Variants in PTPRA observed in about 807,000 individuals in gnomAD.
The protein encoded by PTPRA is receptor-type tyrosine-protein phosphatase alpha.
A neutral mutation model predicts 104.8 loss-of-function variants in PTPRA; 25 were observed. The ratio of observed to expected loss-of-function variants is 0.24; its 90% confidence interval spans 0.17 to 0.33. The LOEUF (loss-of-function observed/expected upper bound fraction) is 0.33, where lower values mean the gene tolerates loss of function less well. PTPRA is among the 10% of genes least tolerant of loss of function. The pLI is 1.00. For synonymous variants in PTPRA, 323 were observed against 368.9 expected (o/e 0.88, Z 1.43); for missense variants, 765 against 1,015.3 (o/e 0.75, Z 3.35).
At chr20:2,918,272 C>T (rs980307195) in intron 1 of PTPRA, among the ~76,000 whole-genome samples, 2 of 152,008 alleles carry the variant, frequency 1.3e-5, no homozygotes, top group African/African-American at 4.8e-5. Context: ...GCCTTAGCCT[C>T]TGGAGTAGCT....
chr20:2,936,549 C>A (rs758876379), intron 2 of PTPRA, among the ~76,000 whole-genome samples: 2 of 152,042 alleles, frequency 1.3e-5, no homozygotes, highest in Non-Finnish European at 2.9e-5. Flanking sequence ...GCAGCCTCAA[C>A]CTCCTAGGCT....
intron 1 of PTPRA, among the ~76,000 whole-genome samples, chr20:2,881,164 GGGCGTGGT>G (rs141630168): frequency 0.019 from 2,868 of 151,832 alleles, 96 homozygotes; most frequent in African/African-American, 0.064. Context: ...AGAATTCGCC[GGGCGTGGT>G]GGCGTGTGCC....
chr20:3,005,583 ATAATAAATAAGAT>A (rs1487522953), intron 10 of PTPRA, among the ~76,000 whole-genome samples: 1 of 149,236 alleles, frequency 6.7e-6, no homozygotes, highest in Non-Finnish European at 1.5e-5. Flanking sequence ...GAAATAAATA[ATAATAAATAAGAT>A]AAATAAATAA....
At chr20:3,007,614 C>T (rs1243217693) in intron 11 of PTPRA, among the ~76,000 whole-genome samples, 194 bp downstream of exon 11, 1 of 152,052 alleles carries the variant, frequency 6.6e-6, no homozygotes, top group Non-Finnish European at 1.5e-5. Flanking sequence ...TTTACCCTGT[C>T]GTCATTCCCT....
At chr20:3,012,184 G>C (rs774456343) in intron 11 of PTPRA, among the ~76,000 whole-genome samples, 1 of 152,180 alleles carries the variant, frequency 6.6e-6, no homozygotes, top group African/African-American at 2.4e-5. Context: ...TATCTAGGCC[G>C]TGGGGTACCA....
At chr20:2,998,323 T>C (rs778090537) in intron 9 of PTPRA, among the ~76,000 whole-genome samples, 27 of 152,158 alleles carry the variant, frequency 1.8e-4, no homozygotes, top group Non-Finnish European at 3.4e-4. Flanking sequence ...TCTCTTAGAT[T>C]GCCAGGTGAA....
chr20:2,889,376 G>A (rs1242947182), intron 1 of PTPRA, among the ~76,000 whole-genome samples: 2 of 152,068 alleles, frequency 1.3e-5, no homozygotes, highest in African/African-American at 4.8e-5. Flanking sequence ...AGTCTGTCAG[G>A]CACAGTCAGT....
Position 2,881,203 on chromosome 20 carries a change from C to T in PTPRA, c.-129+7443C>T, listed in dbSNP as rs148889944. ...GTGCCTCTGGGTAATTTCAGCTACT[C>T]GGGAGGCTGAGGCAGGAGAATCCTC... On this transcript the variant is annotated intron_variant, in intron 1 of 23. Coordinates refer to ENST00000399903, the MANE Select transcript of PTPRA (RefSeq NM_001385305.1). Among the ~76,000 whole-genome samples, 208 of 151,074 alleles carry T rather than the reference C, an allele frequency of 1.4e-3. 1 individual carries two copies. The highest frequency in any genetic ancestry group is 4.7e-3 in the African/African-American group (193 of 41,116).
the PTPRA span, chr20:2,864,350 C>G: frequency 1.9e-6 from 3 of 1,614,024 alleles, no homozygotes; most frequent in Middle Eastern, 3.3e-4. The surrounding 1 kb of genome is among the most constrained non-coding windows in gnomAD (Gnocchi z 5.2). Context: ...CCCACTCCAC[C>G]TTACTCTCCT....
chr20:2,868,918 CTT>C (rs1181691431), upstream of PTPRA, among the ~76,000 whole-genome samples: 4 of 152,076 alleles, frequency 2.6e-5, no homozygotes, highest in African/African-American at 4.8e-5. Flanking sequence ...TGAGAAATAA[CTT>C]TTAACTGATG....
intron 9 of PTPRA, among the ~76,000 whole-genome samples, chr20:2,997,599 G>A (rs2063450418): frequency 6.6e-6 from 1 of 152,192 alleles, no homozygotes. Context: ...TATGTGACAG[G>A]CTAAAAGGAG....
In PTPRA at chr20:3,035,166, G is replaced by T. The variant is rs1039980980; in HGVS notation, c.1921-419G>T. Among the ~76,000 whole-genome samples, 1 of 152,206 alleles carries T rather than the reference G, an allele frequency of 6.6e-6. No individual in the cohort carries two copies. The highest frequency in any genetic ancestry group is 1.9e-4 in the East Asian group (1 of 5,200). ...GGAGAAAGGATACTGTGGCCTGGGCGGTGGTGAAGCCCATGGCTGTGTGGG... is the reference window on the plus strand; with the variant it reads ...GGAGAAAGGATACTGTGGCCTGGGCTGTGGTGAAGCCCATGGCTGTGTGGG... On this transcript the variant is annotated intron_variant, in intron 20 of 23. Transcript: ENST00000399903. The surrounding 1 kb of genome is among the most constrained non-coding windows in gnomAD (Gnocchi z 5.8).
chr20:2,971,553 C>T (rs1282646012), intron 5 of PTPRA, among the ~76,000 whole-genome samples: 2 of 152,116 alleles, frequency 1.3e-5, no homozygotes, highest in African/African-American at 2.4e-5. Context: ...TCTGTTTAAT[C>T]GCATTGATGA....
intron 1 of PTPRA, among the ~76,000 whole-genome samples, chr20:2,891,981 C>T (rs1050051430): frequency 2.0e-5 from 3 of 151,970 alleles, no homozygotes; most frequent in African/African-American, 7.3e-5. Flanking sequence ...TGTGGATGTG[C>T]AACCCACAGA....
intron 20 of PTPRA, among the ~76,000 whole-genome samples, chr20:3,032,311 C>T (rs1034316051): frequency 6.6e-6 from 1 of 152,214 alleles, no homozygotes; most frequent in African/African-American, 2.4e-5. Flanking sequence ...TAACCATCTT[C>T]TCTCCCACCT....
At chr20:2,913,324 G>A (rs1306546909) in intron 1 of PTPRA, among the ~76,000 whole-genome samples, 7 of 152,140 alleles carry the variant, frequency 4.6e-5, no homozygotes, top group Non-Finnish European at 7.4e-5. Flanking sequence ...GTTGCAGTGA[G>A]CTGAGATTGT....
chr20:2,925,082 T>G (rs1162321092), intron 2 of PTPRA, among the ~76,000 whole-genome samples: 1 of 152,200 alleles, frequency 6.6e-6, no homozygotes, highest in Non-Finnish European at 1.5e-5. Flanking sequence ...AGTATACAAT[T>G]CATTGGCATT....
chr20:2,867,061 G>A, the PTPRA span, among the ~76,000 whole-genome samples: 8 of 152,212 alleles, frequency 5.3e-5, no homozygotes, highest in African/African-American at 1.2e-4. Flanking sequence ...TTTATTCCTC[G>A]TGACAGCCCT....
chr20:2,915,163 G>T (rs1471633907), intron 1 of PTPRA, among the ~76,000 whole-genome samples: 1 of 151,724 alleles, frequency 6.6e-6, no homozygotes, highest in Non-Finnish European at 1.5e-5. Flanking sequence ...ATCATAGCAT[G>T]CTGTAGCCTC....
Sources: allele counts gnomAD v4.1 joint callset (sites outside exome capture counted in the v4.1 genomes callset), GRCh38; gene constraint gnomAD v4.1.1; non-coding constraint Gnocchi (gnomAD v3.1); transcripts MANE v1.5; gene names NCBI Gene and HGNC (gene_info 2026-07-23, HGNC 2026-07-21).